Variants in UTP14C observed in about 807,000 individuals in gnomAD.
The protein encoded by UTP14C is UTP14C small subunit processome component.
Under a neutral mutation model 14.6 loss-of-function variants are expected in UTP14C, and 10 were observed. The observed-to-expected ratio is 0.68, with a 90% CI of 0.42 to 1.16. The LOEUF is 1.16. UTP14C is among the 50% of genes most tolerant of loss of function. The pLI, the probability that UTP14C is intolerant of heterozygous loss-of-function variation, is 0.00. For missense variants in UTP14C, 818 were observed against 890.8 expected, an observed-to-expected ratio of 0.92 and a Z score of 1.04; for synonymous variants, 315 against 331.6, an observed-to-expected ratio of 0.95 and a Z score of 0.54.
At chr13:52,026,448 A>G (rs2140843482) in intron 1 of UTP14C, among the ~76,000 whole-genome samples, 1 of 152,348 alleles carries the variant, frequency 6.6e-6, no homozygotes, top group Non-Finnish European at 1.5e-5. Flanking sequence ...GGAGTGGATC[A>G]GTGAAGAGCA....
Position 52,030,426 on chromosome 13 carries a change from A to C in UTP14C, c.1622A>C (p.Asn541Thr), listed in dbSNP as rs779341439. ...GGACAGCAGTCAGAGAGGACCCCAA[A>C]TAATCGGCCTGATGCCCCTAAGGAG... ...LEGQQSERTPNNRPDAPKEKK... is the reference protein window; with the variant it reads ...LEGQQSERTPTNRPDAPKEKK... The change falls in exon 2 of 2, where the codon AAT (asparagine) becomes ACT (threonine). Residue 541 changes from asparagine to threonine, a missense_variant. Physicochemically the swap from Asn to Thr is moderately conservative, Grantham distance 65 (BLOSUM62 0). Coordinates refer to ENST00000521776, the MANE Select transcript of UTP14C (RefSeq NM_021645.6). The C allele has an allele frequency of 2.5e-6, 4 of 1,614,222 alleles. No individual in the cohort carries two copies. The Admixed American group carries it at 6.7e-5, about 27-fold the overall frequency.
Position 52,030,412 on chromosome 13 carries a change from A to C in UTP14C, c.1608A>C (p.Ser536=). ...LPRPVLEGQQ[S]ERTPNNRPDA... ...GACCTGTGTTAGAAGGACAGCAGTC[A>C]GAGAGGACCCCAAATAATCGGCCTG... Residue 536 remains serine, a synonymous_variant, in exon 2 of 2, where the codon TCA becomes TCC. Transcript: ENST00000521776. 1 of 1,614,184 alleles carries C rather than the reference A, an allele frequency of 6.2e-7. No homozygotes were observed.
rs1005837944 is a variant in UTP14C at position 52,033,341 on chromosome 13, T to G, written c.*2236T>G. 9 of 167,244 alleles carry G rather than the reference T, an allele frequency of 5.4e-5. No individual in the cohort carries two copies. The highest frequency in any genetic ancestry group is 1.2e-4 in the Non-Finnish European group (8 of 68,116). The allele number at this position is 167,244 out of a possible 1,614,324, so 10.4% of individuals were successfully genotyped here. A position where few individuals can be genotyped will look rare whatever the true frequency, so the allele number is the denominator to read the frequency against. On this transcript the variant is annotated 3_prime_UTR_variant, in exon 2 of 2. Coordinates refer to ENST00000521776, the MANE Select transcript of UTP14C (RefSeq NM_021645.6). Reference sequence around the variant, plus strand: ...CAGTTGTGTACTATAAAGTGTGTGTTACATAGGTTTTGTGTAATAATTATT... The same window carrying G: ...CAGTTGTGTACTATAAAGTGTGTGTGACATAGGTTTTGTGTAATAATTATT...
rs550796668 is a variant in UTP14C, at chr13:52,032,449, G to A, written c.*1344G>A. On this transcript the variant is annotated 3_prime_UTR_variant, in exon 2 of 2. Coordinates refer to ENST00000521776, the MANE Select transcript of UTP14C (RefSeq NM_021645.6). Reference sequence around the variant, plus strand: ...GCAGATATGGCTATAAAGACCTATAGCTTTTGCACTTTATGCATATATAAT... The same window carrying A: ...GCAGATATGGCTATAAAGACCTATAACTTTTGCACTTTATGCATATATAAT... 3.0e-5 allele frequency: 5 copies of A among 167,160 alleles called. No individual in the cohort carries two copies. The South Asian group carries it at 8.3e-4, about 28-fold the overall frequency. 10.4% of individuals were successfully genotyped at this position (167,160 alleles called of 1,614,324 possible).
At position 52,032,997 on chromosome 13, in the gene UTP14C, A is replaced by T. The variant is rs1007913285; in HGVS notation, c.*1892A>T. 1 of 167,102 alleles carries T rather than the reference A, an allele frequency of 6.0e-6. No individual in the cohort carries two copies. The highest frequency in any genetic ancestry group is 2.4e-5 in the African/African-American group (1 of 41,458). 10.4% of individuals were successfully genotyped at this position (167,102 alleles called of 1,614,324 possible). The stretch of plus-strand genomic sequence containing the variant: ...TCAATTGCCTTATTCCTGAGGATGT[A>T]GTGAAGGAAGAAAAAGTTTTCTGGA... On this transcript the variant is annotated 3_prime_UTR_variant, in exon 2 of 2. Coordinates refer to ENST00000521776, the MANE Select transcript of UTP14C (RefSeq NM_021645.6).
Position 52,030,186 on chromosome 13 carries a change from T to C in UTP14C, c.1382T>C (p.Leu461Pro), listed in dbSNP as rs1432568596. 1 of 1,614,194 alleles carries C rather than the reference T, an allele frequency of 6.2e-7. No homozygotes were observed. Among genetic ancestry groups the C allele is most frequent in the South Asian group, 1.1e-5 (1 of 91,090 alleles). ...GAGGTGCTGTCCGAATTGAGGGCACTATCTCAGAAATTGAAGGAAAAACAT... is the reference window on the plus strand; with the variant it reads ...GAGGTGCTGTCCGAATTGAGGGCACCATCTCAGAAATTGAAGGAAAAACAT... Reference protein sequence around the residue: ...SQEVLSELRALSQKLKEKHQS... With the variant: ...SQEVLSELRAPSQKLKEKHQS... The change falls in exon 2 of 2, where the codon CTA (leucine) becomes CCA (proline). Residue 461 changes from leucine (L) to proline (P), a missense_variant. Leu to Pro is a moderately conservative substitution (Grantham distance 98). Coordinates refer to ENST00000521776, the MANE Select transcript of UTP14C (RefSeq NM_021645.6).
Position 52,032,153 on chromosome 13 carries a change from C to G in UTP14C, c.*1048C>G, listed in dbSNP as rs1036714057. The G allele has an allele frequency of 6.5e-6, 1 of 153,194 alleles. No individual in the cohort carries two copies. The highest frequency in any genetic ancestry group is 1.5e-5 in the Non-Finnish European group (1 of 68,046). 9.5% of individuals were successfully genotyped at this position (153,194 alleles called of 1,614,324 possible). A position where few individuals can be genotyped will look rare whatever the true frequency, so the allele number is the denominator to read the frequency against. On this transcript the variant is annotated 3_prime_UTR_variant, in exon 2 of 2. Transcript: ENST00000521776. Reference sequence around the variant, plus strand: ...AGGAGAATTGCTTGAAACTGGAAGGCAGAGGTTGCAGTGAGCCAAGATTGT... The same window carrying G: ...AGGAGAATTGCTTGAAACTGGAAGGGAGAGGTTGCAGTGAGCCAAGATTGT...
intron 1 of UTP14C, among the ~76,000 whole-genome samples, chr13:52,027,344 G>C (rs1954251026): frequency 6.6e-6 from 1 of 152,156 alleles, no homozygotes; most frequent in Non-Finnish European, 1.5e-5. Flanking sequence ...ATAGGAAGGA[G>C]CCAGTAGAGA....
At chr13:52,028,009 A>G (rs899764428) in intron 1 of UTP14C, among the ~76,000 whole-genome samples, 2 of 152,182 alleles carry the variant, frequency 1.3e-5, no homozygotes, top group African/African-American at 4.8e-5. Flanking sequence ...GGTAAATCCC[A>G]GCACTTTGGG....
In UTP14C at chr13:52,028,967, A is replaced by C; in HGVS notation, c.163A>C (p.Lys55Gln). 1 of 1,614,274 alleles carries C rather than the reference A, an allele frequency of 6.2e-7. No homozygotes were observed. Among genetic ancestry groups the C allele is most frequent in the Non-Finnish European group, 8.5e-7 (1 of 1,180,052 alleles). ...LLEAIISLDG[K>Q]NRRKLAERSE... ...GGAAGCAATCATTTCCCTTGATGGA[A>C]AGAATAGGCGGAAATTGGCTGAGAG... is the stretch of plus-strand genomic sequence containing the variant. The change falls in exon 2 of 2, where the codon AAG becomes CAG. Residue 55 changes from lysine to glutamine, a missense_variant. Transcript: ENST00000521776.
chr13:52,030,856 T>A lies in UTP14C; in HGVS notation c.2052T>A (p.Leu684=), dbSNP rs1159643756. The change falls in exon 2 of 2, where the codon CTT becomes CTA. Residue 684 remains leucine, a synonymous_variant. Transcript: ENST00000521776. ...CAGCAGCTCATCAGGTACAAGTGCTTCCATATCCATTTACCCACCATCGGC... is the reference window on the plus strand; with the variant it reads ...CAGCAGCTCATCAGGTACAAGTGCTACCATATCCATTTACCCACCATCGGC... ...IHAAAHQVQV[L]PYPFTHHRQF... 1.9e-6 allele frequency: 3 copies of A among 1,613,998 alleles called. No homozygotes were observed. The highest frequency in any genetic ancestry group is 2.5e-6 in the Non-Finnish European group (3 of 1,180,042).
At chr13:52,026,988 C>T (rs898376133) in intron 1 of UTP14C, among the ~76,000 whole-genome samples, 9 of 151,922 alleles carry the variant, frequency 5.9e-5, no homozygotes, top group African/African-American at 1.7e-4. Context: ...AATGGAGAGG[C>T]GGGGAAAGCC....
At position 52,030,102 on chromosome 13, in the gene UTP14C, A is replaced by AAG. The variant is rs933233966; in HGVS notation, c.1298_1299insAG (p.Leu434GlyfsTer26). 3.1e-6 allele frequency: 5 copies of AAG among 1,614,130 alleles called. No individual in the cohort carries two copies. The African/African-American group carries it at 6.7e-5, about 22-fold the overall frequency. ...AGGCAATCCCTTAGAAAAAGATCTG[A>AAG]GCTCAACCAGGATGCTGAGCCAGCA... On this transcript the variant is annotated frameshift_variant, in exon 2 of 2. Coordinates refer to ENST00000521776, the MANE Select transcript of UTP14C (RefSeq NM_021645.6). LOFTEE classifies it low-confidence loss of function (END_TRUNC).
rs376289077 is a variant in UTP14C, at chr13:52,031,128, A to G, written c.*23A>G. The G allele has an allele frequency of 1.9e-6, 3 of 1,583,832 alleles. No individual in the cohort carries two copies. Among genetic ancestry groups the G allele is most frequent in the Non-Finnish European group, 1.7e-6 (2 of 1,164,970 alleles). ...TAGGTTGTGTAGCTGGAGAAGTGAC[A>G]GTCAGGGGCCCTGATTCCACTTCCT... On this transcript the variant is annotated 3_prime_UTR_variant, in exon 2 of 2. Coordinates refer to ENST00000521776, the MANE Select transcript of UTP14C (RefSeq NM_021645.6).
At position 52,028,411 on chromosome 13, in the gene UTP14C, A is replaced by G; in HGVS notation, c.-394A>G. 2.5e-6 allele frequency: 4 copies of G among 1,614,226 alleles called. No homozygotes were observed. The highest frequency in any genetic ancestry group is 3.4e-6 in the Non-Finnish European group (4 of 1,180,048). On this transcript the variant is annotated 5_prime_UTR_variant, in exon 2 of 2. In the 5' UTR this introduces an upstream ATG that the reference lacks. Transcript: ENST00000521776. ...CATTGTGGTTCCTCACGAAGGAGATATAACTGGCTTTCTGGCTGAGAGTGA... is the reference window on the plus strand; with the variant it reads ...CATTGTGGTTCCTCACGAAGGAGATGTAACTGGCTTTCTGGCTGAGAGTGA...
chr13:52,029,452 G>A lies in UTP14C; in HGVS notation c.648G>A (p.Leu216=), dbSNP rs1054779. Residue 216 remains leucine (L), a synonymous_variant, in exon 2 of 2, where the codon CTG becomes CTA. Coordinates refer to ENST00000521776, the MANE Select transcript of UTP14C (RefSeq NM_021645.6). ...MEKASLQAMS[L]EEAKMHRAEL... ...AGGCCTCTCTCCAAGCCATGAGCCT[G>A]GAAGAGGCAAAGATGCACCGAGCAG... 8 of 1,614,080 alleles carry A rather than the reference G, an allele frequency of 5.0e-6. No individual in the cohort carries two copies. Among genetic ancestry groups the A allele is most frequent in the Non-Finnish European group, 6.8e-6 (8 of 1,180,050 alleles).
intron 1 of UTP14C, among the ~76,000 whole-genome samples, chr13:52,027,740 C>T (rs552870516): frequency 7.9e-5 from 12 of 152,288 alleles, no homozygotes; most frequent in South Asian, 2.1e-4. Flanking sequence ...AACATAAGCA[C>T]GGCGATAGTA....
In UTP14C at chr13:52,029,489, G is replaced by T. The variant is rs772114734; in HGVS notation, c.685G>T (p.Ala229Ser). 4 of 1,614,192 alleles carry T rather than the reference G, an allele frequency of 2.5e-6. No homozygotes were observed. The East Asian group carries it at 8.9e-5, about 36-fold the overall frequency. The change falls in exon 2 of 2, where the codon GCT (alanine) becomes TCT (serine). Residue 229 changes from alanine (A) to serine (S), a missense_variant. Coordinates refer to ENST00000521776, the MANE Select transcript of UTP14C (RefSeq NM_021645.6). The part of the protein sequence containing the change: ...AKMHRAELQR[A>S]RALQSYYEAK... ...GATGCACCGAGCAGAGCTTCAGAGG[G>T]CTCGGGCTCTGCAGTCCTACTATGA...
At chr13:52,026,082 C>T (rs948646857) in intron 1 of UTP14C, among the ~76,000 whole-genome samples, 39 of 152,324 alleles carry the variant, frequency 2.6e-4, no homozygotes, top group African/African-American at 7.0e-4. Flanking sequence ...AGGCAAGTGC[C>T]GTGCCGTGCT....
Sources: allele counts gnomAD v4.1 joint callset (sites outside exome capture counted in the v4.1 genomes callset), GRCh38; gene constraint gnomAD v4.1.1; transcripts MANE v1.5; gene names NCBI Gene and HGNC (gene_info 2026-07-23, HGNC 2026-07-21).